The following ANKDD1B variants were observed in gnomAD, a reference collection of about 807,000 sequenced individuals.
The protein encoded by ANKDD1B is ankyrin repeat and death domain containing 1B, also known as ankyrin repeat and death domain-containing protein 1B.
ANKDD1B carries 57 observed loss-of-function variants against 59.7 expected under a neutral mutation model. That is an observed-to-expected ratio of 0.95 (90% confidence interval 0.77 to 1.19). ANKDD1B has a LOEUF of 1.19. Ranked by LOEUF, ANKDD1B falls within the 50% of genes most tolerant of loss-of-function variation. The pLI is 0.00. For missense variants in ANKDD1B, 602 were observed against 641.9 expected, an observed-to-expected ratio of 0.94 and a Z score of 0.67; for synonymous variants, 216 against 239.5, an observed-to-expected ratio of 0.90 and a Z score of 0.91.
intron 5 of ANKDD1B, among the ~76,000 whole-genome samples, chr5:75,633,237 C>T (rs1774212678): frequency 6.6e-6 from 1 of 152,104 alleles, no homozygotes; most frequent in African/African-American, 2.4e-5. Context: ...ATCACTAAAC[C>T]CTTTGAAGGG....
At position 75,618,833 on chromosome 5, in the gene ANKDD1B, C is replaced by T. The variant is rs184003080; in HGVS notation, c.298-1482C>T. Among the ~76,000 whole-genome samples, 599 of 152,272 alleles carry T rather than the reference C, an allele frequency of 3.9e-3. 8 individuals carry two copies. The highest frequency in any genetic ancestry group is 0.014 in the African/African-American group (577 of 41,540). On this transcript the variant is annotated intron_variant, in intron 2 of 13. Coordinates refer to ENST00000601380, the MANE Select transcript of ANKDD1B (RefSeq NM_001276713.2). ...CAATCTCAGCTCACTGCAACCTCCA[C>T]CTCCTGGGTTCAAGCAATTCTCCTG...
At chr5:75,635,717 C>T in intron 6 of ANKDD1B, 67 bp from the exon 7 acceptor site, 2 of 1,026,776 alleles carry the variant, frequency 1.9e-6, no homozygotes, top group Non-Finnish European at 2.8e-6. Flanking sequence ...CCATTGCAGC[C>T]CTTACTATTG....
intron 7 of ANKDD1B, among the ~76,000 whole-genome samples, chr5:75,648,279 A>G (rs911466062): frequency 6.7e-6 from 1 of 149,698 alleles, no homozygotes; most frequent in African/African-American, 2.5e-5. Flanking sequence ...AAAAAAAAAA[A>G]AAAAGAATTC....
intron 9 of ANKDD1B, 146 bp downstream of exon 9, chr5:75,656,273 C>A: frequency 2.0e-6 from 1 of 505,282 alleles, no homozygotes; most frequent in Non-Finnish European, 3.5e-6. Flanking sequence ...CCTTCTGTAA[C>A]TCTCACTCCA....
At chr5:75,632,446 G>T in intron 5 of ANKDD1B, among the ~76,000 whole-genome samples, 1 of 152,306 alleles carries the variant, frequency 6.6e-6, no homozygotes, top group East Asian at 1.9e-4. Flanking sequence ...CTAGCTGATG[G>T]CTCTAGAATA....
Position 75,660,622 on chromosome 5 carries a change from G to C in ANKDD1B, c.1095+1241G>C, listed in dbSNP as rs74566215. On this transcript the variant is annotated intron_variant, in intron 10 of 13. Coordinates refer to ENST00000601380, the MANE Select transcript of ANKDD1B (RefSeq NM_001276713.2). Reference sequence around the variant, plus strand: ...TAAGCCTCCGGAGGGTTGTCAGAGAGCTGTGTTAGGTTCCAGCTTTACTGA... The same window carrying C: ...TAAGCCTCCGGAGGGTTGTCAGAGACCTGTGTTAGGTTCCAGCTTTACTGA... 7.5e-3 allele frequency among the ~76,000 whole-genome samples: 1,144 copies of C among 152,324 alleles called. 16 individuals carry two copies. Among genetic ancestry groups the C allele is most frequent in the African/African-American group, 0.026 (1,073 of 41,570 alleles).
At chr5:75,641,793 C>T (rs756300136) in intron 7 of ANKDD1B, among the ~76,000 whole-genome samples, 9 of 152,108 alleles carry the variant, frequency 5.9e-5, no homozygotes, top group Non-Finnish European at 8.8e-5. Context: ...TATAATCTTT[C>T]GAAAAGCAAT....
intron 5 of ANKDD1B, among the ~76,000 whole-genome samples, chr5:75,630,507 C>CT (rs1774122218): frequency 6.6e-6 from 1 of 152,186 alleles, no homozygotes; most frequent in South Asian, 2.1e-4. Flanking sequence ...TAACTGTAGT[C>CT]TTTTCTCAGA....
chr5:75,640,989 G>GT (rs1561440892), intron 7 of ANKDD1B, among the ~76,000 whole-genome samples: 1 of 152,084 alleles, frequency 6.6e-6, no homozygotes, highest in African/African-American at 2.4e-5. Context: ...ATTCTACTTT[G>GT]TTTTTTCATA....
intron 9 of ANKDD1B, among the ~76,000 whole-genome samples, chr5:75,656,746 T>C (rs1386044336): frequency 6.6e-6 from 1 of 152,064 alleles, no homozygotes; most frequent in African/African-American, 2.4e-5. Context: ...TCTTCCAGGA[T>C]ATGTAGGGGA....
At chr5:75,634,734 C>A in intron 5 of ANKDD1B, 164 bp from the exon 6 acceptor site, 1 of 549,678 alleles carries the variant, frequency 1.8e-6, no homozygotes, top group South Asian at 2.2e-5. Flanking sequence ...GAGTGAAAAC[C>A]CAGAACCTGA....
At chr5:75,666,037 T>G (rs1371271928) in intron 11 of ANKDD1B, among the ~76,000 whole-genome samples, 2 of 152,224 alleles carry the variant, frequency 1.3e-5, no homozygotes, top group Non-Finnish European at 2.9e-5. Context: ...CCTAGTGGCA[T>G]AAGCACAGCA....
chr5:75,611,661 CCAAGGGGCCACGG>C lies in ANKDD1B; in HGVS notation c.30_42del (p.Ala12GlyfsTer82), dbSNP rs1773558980. The C allele has an allele frequency of 1.6e-6, 2 of 1,231,382 alleles. No homozygotes were observed. Among genetic ancestry groups the C allele is most frequent in the African/African-American group, 3.1e-5 (2 of 64,356 alleles). 76.3% of individuals were successfully genotyped at this position (1,231,382 alleles called of 1,614,324 possible). On this transcript the variant is annotated frameshift_variant, in exon 1 of 14. Transcript: ENST00000601380. LOFTEE classifies it high-confidence loss of function. Reference sequence around the variant, plus strand: ...TGGACCCCGCCGGGCGCGCCCGGGGCCAAGGGGCCACGGCAGGGGGGCTGCTGCTCCGGGCTGC... The same window carrying C: ...TGGACCCCGCCGGGCGCGCCCGGGGCCAGGGGGGCTGCTGCTCCGGGCTGC...
At chr5:75,621,147 G>A (rs57907925) in intron 3 of ANKDD1B, among the ~76,000 whole-genome samples, 17,623 of 152,224 alleles carry the variant, frequency 0.12, 1,213 homozygotes, top group East Asian at 0.23. Flanking sequence ...TGTAGCTTTG[G>A]GAGTGGGGCT....
Position 75,669,302 on chromosome 5 carries a change from C to CA in ANKDD1B, c.1445dup (p.His482GlnfsTer9), listed in dbSNP as rs1167534487. The CA allele has an allele frequency of 8.1e-7, 1 of 1,232,020 alleles. No individual in the cohort carries two copies. The highest frequency in any genetic ancestry group is 1.0e-6 in the Non-Finnish European group (1 of 987,944). 76.3% of individuals were successfully genotyped at this position (1,232,020 alleles called of 1,614,324 possible). ...CCACAGGGCTCTGCTTATCTGGCTACACGGGACCCTGATGACTCAGGGTGA... is the reference window on the plus strand; with the variant it reads ...CCACAGGGCTCTGCTTATCTGGCTACAACGGGACCCTGATGACTCAGGGTGA... On this transcript the variant is annotated frameshift_variant, in exon 13 of 14. Coordinates refer to ENST00000601380, the MANE Select transcript of ANKDD1B (RefSeq NM_001276713.2). LOFTEE classifies it high-confidence loss of function.
intron 6 of ANKDD1B, chr5:75,635,337 C>T (rs557179961): frequency 1.3e-4 from 29 of 222,392 alleles, no homozygotes; most frequent in African/African-American, 5.8e-4. Flanking sequence ...CTGGGGTAGA[C>T]GTCCATATCT....
chr5:75,653,587 G>C (rs1774886070), intron 8 of ANKDD1B, among the ~76,000 whole-genome samples: 1 of 152,176 alleles, frequency 6.6e-6, no homozygotes. Flanking sequence ...TACATATCAA[G>C]AAGAGTGATA....
Position 75,635,855 on chromosome 5 carries a change from G to A in ANKDD1B, c.771G>A (p.Gln257=). The change falls in exon 7 of 14, where the codon CAG becomes CAA. Residue 257 remains glutamine, a synonymous_variant. Transcript: ENST00000601380. Reference sequence around the variant, plus strand: ...CTGCAGTGCAGGTGCTGCTAGCCCAGTGGCAAGACATAAATGAGATGAATG... The same window carrying A: ...CTGCAGTGCAGGTGCTGCTAGCCCAATGGCAAGACATAAATGAGATGAATG... ...HSPAVQVLLA[Q]WQDINEMNEL... The A allele has an allele frequency of 3.3e-6, 5 of 1,520,092 alleles. No individual in the cohort carries two copies. The highest frequency in any genetic ancestry group is 4.4e-6 in the Non-Finnish European group (5 of 1,144,192). The allele number at this position is 1,520,092 out of a possible 1,614,324, so 94.2% of individuals were successfully genotyped here.
At chr5:75,655,937 C>A in intron 8 of ANKDD1B, 92 bp from the exon 9 acceptor site, 1 of 630,330 alleles carries the variant, frequency 1.6e-6, no homozygotes, top group Non-Finnish European at 2.8e-6. Context: ...CTTGGGAGAT[C>A]ATCAGGAAAT....
Sources: gnomAD v4.1 joint callset for allele counts (sites outside exome capture counted in the v4.1 genomes callset) on GRCh38, gnomAD v4.1.1 for gene constraint, MANE v1.5 for transcripts, NCBI Gene and HGNC (gene_info 2026-07-23, HGNC 2026-07-21) for gene names.